BCO2: variants seen among roughly 807,000 people sequenced by gnomAD.
The protein encoded by BCO2 is beta-carotene oxygenase 2, also known as carotenoid-cleaving dioxygenase, mitochondrial.
In BCO2, 56 loss-of-function variants were observed where a neutral mutation model predicts 65.8. The observed-to-expected ratio is 0.85, with a 90% CI of 0.69 to 1.06. The LOEUF (loss-of-function observed/expected upper bound fraction) is 1.06. BCO2 is among the 50% of genes least tolerant of loss of function. The pLI, the probability that BCO2 is intolerant of heterozygous loss-of-function variation, is 0.00. For missense variants in BCO2, 675 were observed against 698.5 expected (o/e 0.97, Z 0.38); for synonymous variants, 233 against 242.3 (o/e 0.96, Z 0.36).
At chr11:112,206,076 G>T (rs557666230) in intron 8 of BCO2, among the ~76,000 whole-genome samples, 11 of 152,366 alleles carry the variant, frequency 7.2e-5, no homozygotes, top group African/African-American at 2.6e-4. Flanking sequence ...CACTTGGAAG[G>T]TTGCGCAGCG....
At chr11:112,201,403 C>T (rs1025589860) in intron 7 of BCO2, among the ~76,000 whole-genome samples, 6 of 152,200 alleles carry the variant, frequency 3.9e-5, no homozygotes, top group African/African-American at 1.2e-4. Flanking sequence ...CTGCCTCAGC[C>T]TCCCAAAGTG....
At chr11:112,181,245 G>A (rs1164418450) in intron 2 of BCO2, 4 of 635,840 alleles carry the variant, frequency 6.3e-6, no homozygotes, top group Non-Finnish European at 1.1e-5. Flanking sequence ...GCAGTGGCGG[G>A]ATCTCGGCTC....
intron 8 of BCO2, among the ~76,000 whole-genome samples, chr11:112,210,055 G>C (rs1472609728): frequency 6.6e-6 from 1 of 152,010 alleles, no homozygotes; most frequent in Non-Finnish European, 1.5e-5. Flanking sequence ...TTAAATATTT[G>C]GAATAATTCA....
intron 2 of BCO2, among the ~76,000 whole-genome samples, chr11:112,190,907 G>C (rs569306345): frequency 6.7e-6 from 1 of 149,462 alleles, no homozygotes; most frequent in South Asian, 2.1e-4. Context: ...GGATTTGTTG[G>C]ATAGTTGCTA....
At chr11:112,214,977 C>T in intron 10 of BCO2, 33 bp downstream of exon 10, 2 of 1,595,142 alleles carry the variant, frequency 1.3e-6, no homozygotes. Flanking sequence ...TTGAACTTTT[C>T]AGAGACCTGT....
At chr11:112,188,980 T>G (rs2135361323) in intron 2 of BCO2, among the ~76,000 whole-genome samples, 1 of 152,264 alleles carries the variant, frequency 6.6e-6, no homozygotes, top group South Asian at 2.1e-4. Flanking sequence ...TATTGTAAGT[T>G]TTTTTGAAAA....
rs1859762562 is a variant in BCO2 at position 112,218,842 on chromosome 11, A to C, written c.*968A>C. ...TCTTACTTGAAATAATTAAGAAAGT[A>C]TTGATACAACCTTTTGAAGAGGGTT... On this transcript the variant is annotated 3_prime_UTR_variant, in exon 12 of 12. Transcript: ENST00000357685. The C allele has an allele frequency of 6.6e-6, 1 of 152,232 alleles. No homozygotes were observed. The highest frequency in any genetic ancestry group is 2.4e-5 in the African/African-American group (1 of 41,466). 9.4% of individuals were successfully genotyped at this position (152,232 alleles called of 1,614,324 possible).
intron 9 of BCO2, among the ~76,000 whole-genome samples, chr11:112,214,371 A>T (rs1026785575): frequency 6.6e-6 from 1 of 151,756 alleles, no homozygotes; most frequent in Non-Finnish European, 1.5e-5. Context: ...CTAGTCTCGA[A>T]CTCCTGACCT....
rs1859671377 is a variant in BCO2, at chr11:112,216,201, C to CT, written c.1516-12dup. On this transcript the variant is annotated intron_variant, in intron 10 of 11. Coordinates refer to ENST00000357685, the MANE Select transcript of BCO2 (RefSeq NM_031938.7). The stretch of plus-strand genomic sequence containing the variant: ...CTTACTACTTGCCTTTTATCAAATG[C>CT]TTTTTTTGGGACTTGCAGGTTTGGA... 3.2e-6 allele frequency: 5 copies of CT among 1,583,620 alleles called. No individual in the cohort carries two copies. The highest frequency in any genetic ancestry group is 2.7e-5 in the African/African-American group (2 of 74,390).
intron 8 of BCO2, among the ~76,000 whole-genome samples, chr11:112,203,516 G>T (rs1301314076): frequency 6.6e-6 from 1 of 151,798 alleles, no homozygotes; most frequent in African/African-American, 2.4e-5. Flanking sequence ...TGATGTTATG[G>T]GATACATGTA....
chr11:112,195,440 C>CT (rs1170398573), intron 5 of BCO2, among the ~76,000 whole-genome samples: 23 of 151,356 alleles, frequency 1.5e-4, no homozygotes, highest in Non-Finnish European at 2.9e-4. Context: ...GCCAATTACA[C>CT]TTTTTTTTAT....
intron 2 of BCO2, among the ~76,000 whole-genome samples, chr11:112,184,695 T>A (rs1867152650): frequency 6.6e-6 from 1 of 152,250 alleles, no homozygotes; most frequent in African/African-American, 2.4e-5. Flanking sequence ...TTTTTGTTTT[T>A]TTTTTAAACA....
intron 2 of BCO2, among the ~76,000 whole-genome samples, chr11:112,190,784 A>G (rs1288221144): frequency 1.4e-5 from 2 of 143,546 alleles, no homozygotes; most frequent in Non-Finnish European, 3.0e-5. Flanking sequence ...TGAACCCGGG[A>G]GGCAGAGGTT....
intron 2 of BCO2, chr11:112,183,021 A>G (rs1867099509): frequency 8.9e-7 from 1 of 1,121,126 alleles, no homozygotes; most frequent in South Asian, 1.2e-5. Flanking sequence ...AAAAAATGCA[A>G]AGTTGAAGAA....
At position 112,216,220 on chromosome 11, in the gene BCO2, G is replaced by T; in HGVS notation, c.1516G>T (p.Val506Phe). The change falls in exon 11 of 12, where the codon GTT becomes TTT. Residue 506 changes from valine (V) to phenylalanine (F), a missense_variant and splice_region_variant. Coordinates refer to ENST00000357685, the MANE Select transcript of BCO2 (RefSeq NM_031938.7). ...KVDVVNKTLK[V>F]WREDGFYPSE... ...CAAATGCTTTTTTTGGGACTTGCAG[G>T]TTTGGAGAGAAGATGGCTTTTATCC... 3 of 1,612,986 alleles carry T rather than the reference G, an allele frequency of 1.9e-6. No homozygotes were observed. The highest frequency in any genetic ancestry group is 2.5e-6 in the Non-Finnish European group (3 of 1,178,946).
chr11:112,196,417 C>A (rs905735927), intron 5 of BCO2, among the ~76,000 whole-genome samples: 1 of 152,078 alleles, frequency 6.6e-6, no homozygotes, highest in Non-Finnish European at 1.5e-5. Flanking sequence ...TAATTGCTAC[C>A]TTTAGGAAGT....
intron 8 of BCO2, 132 bp from the exon 9 acceptor site, chr11:112,213,592 T>C: frequency 1.0e-6 from 1 of 1,000,214 alleles, no homozygotes; most frequent in Admixed American, 2.1e-5. Flanking sequence ...AAATATTAAG[T>C]AGATGAATGA....
At chr11:112,200,023 A>G (rs1322246523) in intron 6 of BCO2, among the ~76,000 whole-genome samples, 196 bp downstream of exon 6, 1 of 152,190 alleles carries the variant, frequency 6.6e-6, no homozygotes, top group East Asian at 1.9e-4. Context: ...CTGCTTGAAA[A>G]GATATACTGT....
rs1370223249 is a variant in BCO2 at position 112,181,325 on chromosome 11, G to A, written c.293+1843G>A. Reference sequence around the variant, plus strand: ...GCCTCCCAAGTAGCTGGGACTACAGGCGCCCGCCACTACGCCCGGCTAATT... The same window carrying A: ...GCCTCCCAAGTAGCTGGGACTACAGACGCCCGCCACTACGCCCGGCTAATT... On this transcript the variant is annotated intron_variant, in intron 2 of 11. Coordinates refer to ENST00000357685, the MANE Select transcript of BCO2 (RefSeq NM_031938.7). Among the ~76,000 whole-genome samples, 3 of 149,290 alleles carry A rather than the reference G, an allele frequency of 2.0e-5. No homozygotes were observed. The East Asian group carries it at 5.9e-4, about 29-fold the overall frequency.
Sources: gnomAD v4.1 joint callset for allele counts (sites outside exome capture counted in the v4.1 genomes callset) on GRCh38, gnomAD v4.1.1 for gene constraint, MANE v1.5 for transcripts, NCBI Gene and HGNC (gene_info 2026-07-23, HGNC 2026-07-21) for gene names.